The following ADCY5 variants were observed in gnomAD, a reference collection of about 807,000 sequenced individuals.
ADCY5 encodes the protein adenylate cyclase 5.
Under a neutral mutation model 119.7 loss-of-function variants are expected in ADCY5, and 30 were observed. The observed-to-expected ratio is 0.25, with a 90% CI of 0.19 to 0.34. The LOEUF is 0.34. ADCY5 is among the 10% of genes least tolerant of loss of function. ADCY5 has a pLI of 1.00. For synonymous variants in ADCY5, 753 were observed against 762.2 expected (o/e 0.99, Z 0.20); for missense variants, 1,324 against 1,775.2 (o/e 0.75, Z 4.57).
At chr3:123,413,630 C>T (rs1225315198) in intron 1 of ADCY5, among the ~76,000 whole-genome samples, 2 of 152,224 alleles carry the variant, frequency 1.3e-5, no homozygotes, top group African/African-American at 4.8e-5. Context: ...CCTTTGGAAA[C>T]AAGACTGCAG....
At chr3:123,354,476 G>T (rs1942971354) in intron 1 of ADCY5, among the ~76,000 whole-genome samples, 1 of 152,220 alleles carries the variant, frequency 6.6e-6, no homozygotes, top group South Asian at 2.1e-4. Context: ...GCCTGAAGTA[G>T]TAACCAATGC....
In ADCY5 at chr3:123,410,656, T is replaced by C. The variant is rs113009430; in HGVS notation, c.1134+36756A>G. Among the ~76,000 whole-genome samples, 479 of 152,298 alleles carry C rather than the reference T, an allele frequency of 3.1e-3. 4 individuals are homozygous for C. Among genetic ancestry groups the C allele is most frequent in the African/African-American group, 0.011 (458 of 41,572 alleles). ...AATCACCATCACATCCATTCTTTTT[T>C]TTTTGGAGGTAGAATCTCACTAGCT... On this transcript the variant is annotated intron_variant, in intron 1 of 20. Coordinates refer to ENST00000462833, the MANE Select transcript of ADCY5 (RefSeq NM_183357.3).
intron 1 of ADCY5, among the ~76,000 whole-genome samples, chr3:123,438,651 AC>A (rs1274462085): frequency 6.6e-6 from 1 of 152,154 alleles, no homozygotes; most frequent in Middle Eastern, 3.2e-3. Context: ...TGCTTAAGGA[AC>A]CCTTGTTTTA....
intron 1 of ADCY5, among the ~76,000 whole-genome samples, chr3:123,437,124 A>G (rs1252574204): frequency 1.3e-5 from 2 of 152,164 alleles, no homozygotes; most frequent in African/African-American, 2.4e-5. Flanking sequence ...TGTGTTATTA[A>G]GCCTGTAACC....
At position 123,448,432 on chromosome 3, in the gene ADCY5, G is replaced by T; in HGVS notation, c.114C>A (p.Arg38=). ...HRSAWGEADS[R]ANGYPHAPGG... ...CGGGGGCATGGGGGTAGCCATTCGCGCGGGAATCGGCCTCGCCCCACGCAG... is the reference window on the plus strand; with the variant it reads ...CGGGGGCATGGGGGTAGCCATTCGCTCGGGAATCGGCCTCGCCCCACGCAG... Residue 38 remains arginine (R), a synonymous_variant, in exon 1 of 21, where the codon CGC becomes CGA. Transcript: ENST00000462833. 2.9e-6 allele frequency: 4 copies of T among 1,356,642 alleles called. No individual in the cohort carries two copies. The South Asian group carries it at 6.8e-5, about 23-fold the overall frequency. The allele number at this position is 1,356,642 out of a possible 1,614,324, so 84.0% of individuals were successfully genotyped here. A position where few individuals can be genotyped will look rare whatever the true frequency, so the allele number is the denominator to read the frequency against.
At position 123,300,169 on chromosome 3, in the gene ADCY5, C is replaced by T; in HGVS notation, c.2851G>A (p.Gly951Ser). 6.2e-7 allele frequency: 1 copy of T among 1,613,890 alleles called. No individual in the cohort carries two copies. Among genetic ancestry groups the T allele is most frequent in the Non-Finnish European group, 8.5e-7 (1 of 1,180,040 alleles). ...LIYVLIVEVP[G>S]VTLFDNADLL... Reference sequence around the variant, plus strand: ...TCGGCGTTGTCGAAGAGCGTGACACCTGGCACCTCCACGATGAGCACGTAG... The same window carrying T: ...TCGGCGTTGTCGAAGAGCGTGACACTTGGCACCTCCACGATGAGCACGTAG... Residue 951 changes from glycine (G) to serine (S), a missense_variant, in exon 15 of 21, where the codon GGT becomes AGT. Coordinates refer to ENST00000462833, the MANE Select transcript of ADCY5 (RefSeq NM_183357.3).
intron 1 of ADCY5, among the ~76,000 whole-genome samples, chr3:123,396,917 C>T (rs1372462942): frequency 6.6e-6 from 1 of 152,034 alleles, no homozygotes; most frequent in Non-Finnish European, 1.5e-5. Flanking sequence ...TGCACGCCTG[C>T]GGGCACTTCA....
At chr3:123,324,847 T>C (rs1173383651) in intron 8 of ADCY5, among the ~76,000 whole-genome samples, 2 of 152,210 alleles carry the variant, frequency 1.3e-5, no homozygotes, top group Non-Finnish European at 2.9e-5. Context: ...CACCTGGCAC[T>C]TCCCAGAAAG....
At chr3:123,389,220 G>A (rs775945324) in intron 1 of ADCY5, among the ~76,000 whole-genome samples, 24 of 152,262 alleles carry the variant, frequency 1.6e-4, no homozygotes, top group Admixed American at 2.0e-4. Flanking sequence ...GGGCTTGGTG[G>A]AGACACAGGA....
Position 123,300,226 on chromosome 3 carries a change from T to C in ADCY5, c.2794A>G (p.Lys932Glu). Residue 932 changes from lysine (K) to glutamate (E), a missense_variant, in exon 15 of 21, where the codon AAG becomes GAG. By Grantham distance (56) the Lys-to-Glu change is moderately conservative (BLOSUM62 1). Coordinates refer to ENST00000462833, the MANE Select transcript of ADCY5 (RefSeq NM_183357.3). ...SVFLQISCIG[K>E]LVLMLAIELI... is the part of the protein sequence containing the mutation. The stretch of plus-strand genomic sequence containing the variant: ...TCGATGGCCAGCATGAGCACCAGCT[T>C]CCCGATGCAGCTGATCTGCAGGAAC... 1 of 1,613,752 alleles carries C rather than the reference T, an allele frequency of 6.2e-7. No individual in the cohort carries two copies. The highest frequency in any genetic ancestry group is 8.5e-7 in the Non-Finnish European group (1 of 1,180,028).
At chr3:123,362,813 A>C (rs975454609) in intron 1 of ADCY5, among the ~76,000 whole-genome samples, 3 of 152,222 alleles carry the variant, frequency 2.0e-5, no homozygotes, top group African/African-American at 7.2e-5. Flanking sequence ...TAATATACAA[A>C]GTATTTTGCC....
chr3:123,393,798 C>G (rs905405961), intron 1 of ADCY5, among the ~76,000 whole-genome samples: 4 of 151,766 alleles, frequency 2.6e-5, no homozygotes, highest in Admixed American at 6.6e-5. Context: ...CCCTCCCGCC[C>G]CGGCTGCTGA....
chr3:123,372,672 C>T (rs1221367224), intron 1 of ADCY5, among the ~76,000 whole-genome samples: 1 of 152,178 alleles, frequency 6.6e-6, no homozygotes, highest in Non-Finnish European at 1.5e-5. Context: ...ACACCAGCAA[C>T]AAGGGCAGGT....
chr3:123,300,324 C>A, intron 14 of ADCY5, 29 bp from the exon 15 acceptor site: 1 of 1,608,984 alleles, frequency 6.2e-7, no homozygotes, highest in South Asian at 1.1e-5. Context: ...AGCATCAGCT[C>A]CCCAGGCCCT....
At chr3:123,290,918 TGA>T (rs1939104394) in intron 18 of ADCY5, among the ~76,000 whole-genome samples, 193 bp downstream of exon 18, 1 of 152,164 alleles carries the variant, frequency 6.6e-6, no homozygotes, top group South Asian at 2.1e-4. Context: ...CACATGATGA[TGA>T]GAGAGGCCAT....
chr3:123,438,357 T>G (rs1945661483), intron 1 of ADCY5, among the ~76,000 whole-genome samples: 1 of 152,214 alleles, frequency 6.6e-6, no homozygotes, highest in South Asian at 2.1e-4. Flanking sequence ...ACACACCATG[T>G]GTGTGTAAAA....
At chr3:123,323,490 T>C (rs528916602) in intron 8 of ADCY5, among the ~76,000 whole-genome samples, 1 of 152,130 alleles carries the variant, frequency 6.6e-6, no homozygotes, top group Admixed American at 6.5e-5. Context: ...TCCCTGCTGG[T>C]TGTTCCCTGC....
At chr3:123,365,245 C>CCG (rs1943391719) in intron 1 of ADCY5, among the ~76,000 whole-genome samples, 1 of 152,264 alleles carries the variant, frequency 6.6e-6, no homozygotes, top group Non-Finnish European at 1.5e-5. Flanking sequence ...GCGTAAGCCA[C>CCG]CGCGCCCAGC....
At chr3:123,389,372 A>C (rs1016444001) in intron 1 of ADCY5, among the ~76,000 whole-genome samples, 5 of 152,118 alleles carry the variant, frequency 3.3e-5, no homozygotes, top group African/African-American at 1.2e-4. Context: ...AAGAGTTAGG[A>C]ACGCAGCTTC....
Sources: gnomAD v4.1 joint callset for allele counts (sites outside exome capture counted in the v4.1 genomes callset) on GRCh38, gnomAD v4.1.1 for gene constraint, MANE v1.5 for transcripts, NCBI Gene and HGNC (gene_info 2026-07-23, HGNC 2026-07-21) for gene names.